The following CREBRF variants were observed in gnomAD, a reference collection of about 807,000 sequenced individuals.
CREBRF encodes the protein CREB3 regulatory factor, also known as UPF0474 protein C5orf41.
Under a neutral mutation model 66.1 loss-of-function variants are expected in CREBRF, and 5 were observed. The observed-to-expected ratio is 0.08, with a 90% CI of 0.04 to 0.16. The LOEUF (loss-of-function observed/expected upper bound fraction) is 0.16. CREBRF is among the 10% of genes least tolerant of loss of function. The pLI, the probability that CREBRF is intolerant of heterozygous loss-of-function variation, is 1.00. For synonymous variants in CREBRF, 229 were observed against 264.4 expected (o/e 0.87, Z 1.30); for missense variants, 531 against 744.9 (o/e 0.71, Z 3.34).
In CREBRF at chr5:173,090,928, C is replaced by A. The variant is rs1161641690; in HGVS notation, c.749C>A (p.Pro250His). 1 of 1,613,980 alleles carries A rather than the reference C, an allele frequency of 6.2e-7. No homozygotes were observed. Among genetic ancestry groups the A allele is most frequent in the Non-Finnish European group, 8.5e-7 (1 of 1,180,046 alleles). Reference protein sequence around the residue: ...VKINPVQQSRPLLSQIHTDAA... With the variant: ...VKINPVQQSRHLLSQIHTDAA... ...ATCAACCCAGTGCAACAGAGCCGGCCCTTGTTGAGCCAGATTCACACAGAT... is the reference window on the plus strand; with the variant it reads ...ATCAACCCAGTGCAACAGAGCCGGCACTTGTTGAGCCAGATTCACACAGAT... Residue 250 changes from proline to histidine, a missense_variant, in exon 4 of 9, where the codon CCC becomes CAC. Physicochemically the swap from Pro to His is moderately conservative, Grantham distance 77 (BLOSUM62 -2). Transcript: ENST00000296953. This position sits in a 1 kb window ranked among gnomAD's most constrained non-coding sequence, Gnocchi z 4.5.
chr5:173,094,402 A>G (rs180861279), intron 4 of CREBRF, among the ~76,000 whole-genome samples: 84 of 152,256 alleles, frequency 5.5e-4, no homozygotes, highest in African/African-American at 1.9e-3. Flanking sequence ...ATTCCCACTA[A>G]TAGTTTACAA....
At chr5:173,078,401 G>A (rs942646205) in intron 1 of CREBRF, among the ~76,000 whole-genome samples, 1 of 151,656 alleles carries the variant, frequency 6.6e-6, no homozygotes, top group African/African-American at 2.4e-5. Context: ...AGGGATTCTG[G>A]CCATCATATA....
At position 173,080,620 on chromosome 5, in the gene CREBRF, T is replaced by C. The variant is rs778788622; in HGVS notation, c.-156T>C. On this transcript the variant is annotated 5_prime_UTR_variant, in exon 2 of 9. Transcript: ENST00000296953. ...ACAGAATTATTTTAAAAAAAAGCAG[T>C]GATCCAAGCAATTGAATTGGAAGCA... is the stretch of plus-strand genomic sequence containing the variant. 1.6e-6 allele frequency: 1 copy of C among 641,038 alleles called. No individual in the cohort carries two copies. The highest frequency in any genetic ancestry group is 2.8e-6 in the Non-Finnish European group (1 of 360,890). 39.7% of individuals were successfully genotyped at this position (641,038 alleles called of 1,614,324 possible).
intron 7 of CREBRF, among the ~76,000 whole-genome samples, chr5:173,120,753 G>A (rs868108130): frequency 7.6e-6 from 1 of 132,284 alleles, no homozygotes; most frequent in Non-Finnish European, 1.6e-5. Context: ...GAGTGCAGTG[G>A]TGCAATCACA....
chr5:173,105,089 T>C (rs1758716775), intron 4 of CREBRF, among the ~76,000 whole-genome samples: 1 of 152,160 alleles, frequency 6.6e-6, no homozygotes, highest in Non-Finnish European at 1.5e-5. Context: ...TTCGTATAAA[T>C]GGAGCTAACA....
At chr5:173,076,150 AC>A (rs1226038111) in intron 1 of CREBRF, among the ~76,000 whole-genome samples, 1 of 152,016 alleles carries the variant, frequency 6.6e-6, no homozygotes, top group Non-Finnish European at 1.5e-5. Flanking sequence ...AGAACATGAC[AC>A]TGGCATCTGT....
intron 4 of CREBRF, among the ~76,000 whole-genome samples, chr5:173,098,189 CTT>C (rs1272404813): frequency 2.1e-4 from 30 of 139,958 alleles, no homozygotes; most frequent in Admixed American, 4.3e-4. Context: ...AATTTTCCTT[CTT>C]TTTTTTTTTT....
At chr5:173,127,154 T>C (rs1247051505) in intron 8 of CREBRF, among the ~76,000 whole-genome samples, 1 of 139,706 alleles carries the variant, frequency 7.2e-6, no homozygotes, top group Non-Finnish European at 1.5e-5. Context: ...GGGTTGGAGT[T>C]TCTTTTTCTT....
intron 4 of CREBRF, among the ~76,000 whole-genome samples, chr5:173,100,050 G>T (rs1758577386): frequency 7.0e-6 from 1 of 142,532 alleles, no homozygotes. Context: ...GGGATTACAG[G>T]CACCTGCCAC....
intron 4 of CREBRF, among the ~76,000 whole-genome samples, chr5:173,098,102 A>G (rs180730487): frequency 6.9e-6 from 1 of 144,730 alleles, no homozygotes; most frequent in Non-Finnish European, 1.5e-5. Flanking sequence ...ATATTTTTCT[A>G]TTCCTCTTTT....
At chr5:173,063,133 A>G (rs1308719754) in intron 1 of CREBRF, among the ~76,000 whole-genome samples, 1 of 152,152 alleles carries the variant, frequency 6.6e-6, no homozygotes, top group East Asian at 1.9e-4. Flanking sequence ...GTGCGGCAGT[A>G]GTATCACCAG....
At chr5:173,059,224 G>C (rs550641083) in intron 1 of CREBRF, among the ~76,000 whole-genome samples, 17 of 150,634 alleles carry the variant, frequency 1.1e-4, no homozygotes, top group Non-Finnish European at 2.4e-4. Flanking sequence ...CAGTAAATAA[G>C]GGTATTAGCT....
chr5:173,103,766 T>A (rs1013437923), intron 4 of CREBRF, among the ~76,000 whole-genome samples: 1 of 152,236 alleles, frequency 6.6e-6, no homozygotes, highest in Non-Finnish European at 1.5e-5. Context: ...AAGAATGGGC[T>A]CACAGAATGA....
chr5:173,068,239 A>G (rs556259504), intron 1 of CREBRF: 24 of 359,184 alleles, frequency 6.7e-5, no homozygotes, highest in Admixed American at 1.1e-4. Flanking sequence ...AGGTTACTCT[A>G]TGTACTTCTC....
rs200320519 is a variant in CREBRF at position 173,129,558 on chromosome 5, G to GA, written c.1805-4064dup. On this transcript the variant is annotated intron_variant, in intron 8 of 8. Coordinates refer to ENST00000296953, the MANE Select transcript of CREBRF (RefSeq NM_153607.3). Reference sequence around the variant, plus strand: ...GCAACATAAGGAGACCCCATTTCTAGAAAAAAAATACAAAAAGTTAGCCAG... The same window carrying GA: ...GCAACATAAGGAGACCCCATTTCTAGAAAAAAAAATACAAAAAGTTAGCCAG... 3.6e-3 allele frequency among the ~76,000 whole-genome samples: 549 copies of GA among 151,398 alleles called. 3 individuals carry two copies. The highest frequency in any genetic ancestry group is 0.012 in the African/African-American group (498 of 41,282).
At chr5:173,069,853 T>C (rs1757547012) in intron 1 of CREBRF, among the ~76,000 whole-genome samples, 1 of 152,070 alleles carries the variant, frequency 6.6e-6, no homozygotes, top group East Asian at 1.9e-4. Flanking sequence ...ATCTCTAGTA[T>C]ATTTCATGCT....
At chr5:173,084,911 C>T (rs1472723568) in intron 2 of CREBRF, among the ~76,000 whole-genome samples, 1 of 152,028 alleles carries the variant, frequency 6.6e-6, no homozygotes, top group Non-Finnish European at 1.5e-5. Flanking sequence ...TCCCAAAGTG[C>T]TGGGATTACA....
intron 1 of CREBRF, among the ~76,000 whole-genome samples, chr5:173,062,247 T>G (rs1435712969): frequency 6.6e-6 from 1 of 152,226 alleles, no homozygotes; most frequent in African/African-American, 2.4e-5. Flanking sequence ...CATTAAACTA[T>G]GAGCTCCTTG....
chr5:173,106,437 A>C (rs1251915129), intron 4 of CREBRF, among the ~76,000 whole-genome samples: 1 of 151,004 alleles, frequency 6.6e-6, no homozygotes, highest in Non-Finnish European at 1.5e-5. Context: ...CTCAAAAAAA[A>C]AAGAAGAGCC....
Sources: gnomAD v4.1 joint callset for allele counts (sites outside exome capture counted in the v4.1 genomes callset) on GRCh38, gnomAD v4.1.1 for gene constraint, Gnocchi (gnomAD v3.1) non-coding constraint, MANE v1.5 for transcripts, NCBI Gene and HGNC (gene_info 2026-07-23, HGNC 2026-07-21) for gene names.